CDA: variants seen among roughly 807,000 people sequenced by gnomAD.
CDA encodes the protein cytidine deaminase.
Under a neutral mutation model 15.0 loss-of-function variants are expected in CDA, and 7 were observed. The ratio of observed to expected loss-of-function variants is 0.47; its 90% confidence interval spans 0.26 to 0.87. The LOEUF (loss-of-function observed/expected upper bound fraction) is 0.87. Ranked by LOEUF, CDA falls within the 40% of genes least tolerant of loss-of-function variation. CDA has a pLI of 0.15. For missense variants in CDA, 159 were observed against 182.7 expected, an observed-to-expected ratio of 0.87 and a Z score of 0.75; for synonymous variants, 58 against 73.0, an observed-to-expected ratio of 0.79 and a Z score of 1.05.
At chr1:20,607,721 G>C (rs779046670) in intron 2 of CDA, among the ~76,000 whole-genome samples, 1 of 152,146 alleles carries the variant, frequency 6.6e-6, no homozygotes, top group Non-Finnish European at 1.5e-5. Context: ...CTGTACTCTA[G>C]GTATTCAGCT....
At chr1:20,613,286 C>A (rs2154532838) in intron 2 of CDA, among the ~76,000 whole-genome samples, 1 of 152,092 alleles carries the variant, frequency 6.6e-6, no homozygotes, top group African/African-American at 2.4e-5. Flanking sequence ...TCACTGCAAC[C>A]TTTGCCTCCC....
intron 1 of CDA, among the ~76,000 whole-genome samples, chr1:20,590,584 T>C (rs1401687124): frequency 6.6e-6 from 1 of 151,982 alleles, no homozygotes; most frequent in Non-Finnish European, 1.5e-5. Flanking sequence ...CCTCCTACAA[T>C]CCCCCGGCAC....
At chr1:20,592,534 A>C (rs1041644200) in intron 1 of CDA, among the ~76,000 whole-genome samples, 3 of 152,222 alleles carry the variant, frequency 2.0e-5, no homozygotes, top group Admixed American at 1.3e-4. Flanking sequence ...AGAGTAACAT[A>C]AAAGTGGTGT....
In CDA at chr1:20,589,119, G is replaced by A. The variant is rs761045231; in HGVS notation, c.-11G>A. 9 of 1,613,896 alleles carry A rather than the reference G, an allele frequency of 5.6e-6. No individual in the cohort carries two copies. In the Admixed American group the frequency reaches 8.3e-5, roughly 15 times the overall value. The stretch of plus-strand genomic sequence containing the variant: ...TTTCCCGCTGCTCTGCTGCCTGCCC[G>A]GGGTACCAACATGGCCCAGAAGCGT... On this transcript the variant is annotated 5_prime_UTR_variant, in exon 1 of 4. Coordinates refer to ENST00000375071, the MANE Select transcript of CDA (RefSeq NM_001785.3).
chr1:20,616,385 G>A (rs547887318), intron 3 of CDA, among the ~76,000 whole-genome samples: 19 of 152,280 alleles, frequency 1.2e-4, no homozygotes, highest in African/African-American at 4.1e-4. Flanking sequence ...CAAAGCATCT[G>A]GGGATGCAGA....
intron 2 of CDA, among the ~76,000 whole-genome samples, chr1:20,612,874 C>T (rs1402642305): frequency 3.0e-5 from 4 of 135,464 alleles, no homozygotes; most frequent in East Asian, 2.4e-4. Flanking sequence ...ACCCGGGAGG[C>T]GGAGGTTTCA....
chr1:20,600,195 G>A (rs1049493117), intron 1 of CDA, among the ~76,000 whole-genome samples: 4 of 152,212 alleles, frequency 2.6e-5, no homozygotes, highest in African/African-American at 9.7e-5. Context: ...CTGAGAGACT[G>A]GGTCTTCTGC....
intron 1 of CDA, among the ~76,000 whole-genome samples, chr1:20,594,699 G>A (rs2052577072): frequency 6.6e-6 from 1 of 150,438 alleles, no homozygotes; most frequent in Admixed American, 6.7e-5. Context: ...TGAAGCAGGA[G>A]AATCGCTTGA....
At chr1:20,594,236 TTC>T (rs1341112092) in intron 1 of CDA, among the ~76,000 whole-genome samples, 1 of 152,222 alleles carries the variant, frequency 6.6e-6, no homozygotes, top group Non-Finnish European at 1.5e-5. Flanking sequence ...GATCATCATT[TTC>T]TCTCTGTTAC....
At chr1:20,591,849 GT>G (rs397966736) in intron 1 of CDA, among the ~76,000 whole-genome samples, 74 of 118,150 alleles carry the variant, frequency 6.3e-4, no homozygotes, top group East Asian at 4.1e-3. Context: ...GTTTTTTTTT[GT>G]TTTTTTTTTT....
chr1:20,603,124 C>T (rs1473205990), intron 1 of CDA, among the ~76,000 whole-genome samples: 1 of 152,200 alleles, frequency 6.6e-6, no homozygotes, highest in African/African-American at 2.4e-5. Flanking sequence ...GGCCATCTTG[C>T]CTCATCTGTG....
intron 3 of CDA, among the ~76,000 whole-genome samples, chr1:20,615,180 G>A (rs992558132): frequency 6.6e-6 from 1 of 151,914 alleles, no homozygotes; most frequent in Admixed American, 6.6e-5. Context: ...ACTTAAACAT[G>A]GTTAAAATGG....
intron 1 of CDA, among the ~76,000 whole-genome samples, chr1:20,597,252 T>C (rs2052599844): frequency 6.6e-6 from 1 of 152,082 alleles, no homozygotes; most frequent in Non-Finnish European, 1.5e-5. Flanking sequence ...ATCAAGACCA[T>C]CCTGGCTAAC....
chr1:20,591,913 G>T (rs928341550), intron 1 of CDA, among the ~76,000 whole-genome samples: 3 of 149,974 alleles, frequency 2.0e-5, no homozygotes, highest in East Asian at 3.9e-4. Flanking sequence ...GCGCGATCTC[G>T]GCTCACTGCA....
rs768281737 is a variant in CDA at position 20,605,047 on chromosome 1, G to C, written c.266+8G>C. 4.6e-6 allele frequency: 7 copies of C among 1,535,310 alleles called. No individual in the cohort carries two copies. The highest frequency in any genetic ancestry group is 1.7e-5 in the Admixed American group (1 of 59,656). On this transcript the variant is annotated splice_region_variant and intron_variant, in intron 2 of 3. Transcript: ENST00000375071. ...GGCAATTGCTATCGCCAGGTGAGTG[G>C]GAAAGCCAGGTTGCAACAATATTCA...
At chr1:20,603,420 C>T (rs1428974281) in intron 1 of CDA, among the ~76,000 whole-genome samples, 5 of 152,170 alleles carry the variant, frequency 3.3e-5, no homozygotes, top group South Asian at 2.1e-4. Context: ...CCCTTGGCCA[C>T]GCAGTCAAAA....
rs139852517 is a variant in CDA at position 20,589,238 on chromosome 1, C to A, written c.109C>A (p.Pro37Thr). 24 of 1,613,722 alleles carry A rather than the reference C, an allele frequency of 1.5e-5. No individual in the cohort carries two copies. Among genetic ancestry groups the A allele is most frequent in the Non-Finnish European group, 1.9e-5 (23 of 1,179,784 alleles). The change falls in exon 1 of 4, where the codon CCT becomes ACT. Residue 37 changes from proline to threonine, a missense_variant. By Grantham distance (38) the Pro-to-Thr change is conservative (BLOSUM62 -1). Transcript: ENST00000375071. ...KSAYCPYSHF[P>T]VGAALLTQEG... is the part of the protein sequence containing the mutation. ...AGCCTACTGCCCCTACAGTCACTTT[C>A]CTGTGGGGGCTGCCCTGCTCACCCA...
intron 1 of CDA, among the ~76,000 whole-genome samples, chr1:20,602,287 G>A (rs2052652095): frequency 6.6e-6 from 1 of 152,118 alleles, no homozygotes; most frequent in South Asian, 2.1e-4. Flanking sequence ...CACAGCATAG[G>A]AGATGTGTTT....
At chr1:20,614,054 G>A (rs902589958) in intron 3 of CDA, among the ~76,000 whole-genome samples, 155 bp downstream of exon 3, 4 of 152,190 alleles carry the variant, frequency 2.6e-5, no homozygotes, top group Non-Finnish European at 5.9e-5. Flanking sequence ...GCCTCCCTAC[G>A]CTTGCATGAG....
Sources: allele counts gnomAD v4.1 joint callset (sites outside exome capture counted in the v4.1 genomes callset), GRCh38; gene constraint gnomAD v4.1.1; transcripts MANE v1.5; gene names NCBI Gene and HGNC (gene_info 2026-07-23, HGNC 2026-07-21).